Variants in CPNE5 observed in about 807,000 individuals in gnomAD.
CPNE5 encodes copine-5.
CPNE5 carries 42 observed loss-of-function variants against 81.1 expected under a neutral mutation model. The observed-to-expected ratio is 0.52, with a 90% CI of 0.40 to 0.67. The LOEUF (loss-of-function observed/expected upper bound fraction) is 0.67, where lower values mean the gene tolerates loss of function less well. Ranked by LOEUF, CPNE5 falls within the 30% of genes least tolerant of loss-of-function variation. The pLI is 0.00. For synonymous variants in CPNE5, 313 were observed against 321.5 expected (o/e 0.97, Z 0.28); for missense variants, 612 against 815.5 (o/e 0.75, Z 3.04).
intron 9 of CPNE5, among the ~76,000 whole-genome samples, chr6:36,776,711 C>T (rs1016054413): frequency 3.9e-5 from 6 of 152,174 alleles, no homozygotes; most frequent in East Asian, 1.9e-4. Flanking sequence ...TCCCTCCTCT[C>T]GCTTGAGAGC....
intron 8 of CPNE5, among the ~76,000 whole-genome samples, chr6:36,787,473 A>G (rs1208756674): frequency 1.3e-5 from 2 of 151,232 alleles, no homozygotes; most frequent in Non-Finnish European, 3.0e-5. Flanking sequence ...CCACCTGTCT[A>G]TATATATTGG....
At chr6:36,754,788 T>G (rs1644382158) in intron 13 of CPNE5, 1 of 152,216 alleles carries the variant, frequency 6.6e-6, no homozygotes. Flanking sequence ...TATTCCCAGC[T>G]GGGGAAGGTG....
chr6:36,836,117 G>A (rs1165446691), intron 1 of CPNE5, among the ~76,000 whole-genome samples: 1 of 152,124 alleles, frequency 6.6e-6, no homozygotes, highest in Admixed American at 6.6e-5. Context: ...ATAACCAAAG[G>A]CTTTCTAATC....
At chr6:36,789,275 TGAA>T (rs1768878946) in intron 8 of CPNE5, among the ~76,000 whole-genome samples, 1 of 151,786 alleles carries the variant, frequency 6.6e-6, no homozygotes, top group African/African-American at 2.4e-5. Flanking sequence ...TATCCCTGGG[TGAA>T]GGAGTAGGGA....
chr6:36,823,442 TC>T lies in CPNE5; in HGVS notation c.96-345del, dbSNP rs199778533. The stretch of plus-strand genomic sequence containing the variant: ...ATGTCTTAGCCCTTTCTAGAAGCTC[TC>T]CTTTAATCACTTCTCTGCTTCTCAA... On this transcript the variant is annotated intron_variant, in intron 1 of 20. Transcript: ENST00000244751. Among the ~76,000 whole-genome samples the T allele has an allele frequency of 1.8e-3, 277 of 152,296 alleles. 1 individual carries two copies. Among genetic ancestry groups the T allele is most frequent in the African/African-American group, 5.9e-3 (245 of 41,540 alleles).
chr6:36,814,783 C>T (rs1771393183), intron 3 of CPNE5, among the ~76,000 whole-genome samples: 1 of 152,104 alleles, frequency 6.6e-6, no homozygotes, highest in Admixed American at 6.5e-5. Context: ...CAGTTTCCTC[C>T]TCTGTCAAAT....
intron 8 of CPNE5, among the ~76,000 whole-genome samples, chr6:36,782,025 G>T (rs1248775451): frequency 6.6e-6 from 1 of 152,176 alleles, no homozygotes; most frequent in Non-Finnish European, 1.5e-5. Flanking sequence ...CTCGTCTGTG[G>T]AGCGTGGAAT....
chr6:36,819,952 C>T (rs1231650354), intron 3 of CPNE5, among the ~76,000 whole-genome samples: 2 of 152,212 alleles, frequency 1.3e-5, no homozygotes, highest in East Asian at 3.8e-4. Flanking sequence ...CTCCAGCCAG[C>T]TCAGGCAGCC....
At chr6:36,768,617 C>T (rs1343648634) in intron 10 of CPNE5, among the ~76,000 whole-genome samples, 1 of 152,196 alleles carries the variant, frequency 6.6e-6, no homozygotes, top group Non-Finnish European at 1.5e-5. Flanking sequence ...GCCTTGGCTC[C>T]TAACCCCTTA....
At chr6:36,792,418 T>G in intron 7 of CPNE5, 9 of 1,403,950 alleles carry the variant, frequency 6.4e-6, no homozygotes, top group Non-Finnish European at 8.5e-6. Flanking sequence ...AGACCAGTGG[T>G]TCTCAAACTT....
At chr6:36,819,799 C>T (rs555613746) in intron 3 of CPNE5, among the ~76,000 whole-genome samples, 19 of 152,284 alleles carry the variant, frequency 1.2e-4, no homozygotes, top group Non-Finnish European at 2.6e-4. Context: ...GAGTCTCTGT[C>T]AGGAGTCCAC....
intron 10 of CPNE5, among the ~76,000 whole-genome samples, chr6:36,770,424 A>C (rs1009714564): frequency 1.3e-5 from 2 of 152,246 alleles, no homozygotes; most frequent in African/African-American, 2.4e-5. Flanking sequence ...ATTAGAATAC[A>C]ACTTGGTCCA....
chr6:36,754,661 C>A (rs1305638465), intron 13 of CPNE5: 1 of 152,248 alleles, frequency 6.6e-6, no homozygotes, highest in Admixed American at 6.5e-5. Context: ...GGCCTAGGCC[C>A]GCTCTGTCTC....
chr6:36,745,330 A>T, intron 17 of CPNE5, 58 bp downstream of exon 17: 1 of 1,564,596 alleles, frequency 6.4e-7, no homozygotes, highest in Non-Finnish European at 8.7e-7. Flanking sequence ...CCAGAGGCAG[A>T]GCTGGTGTGG....
At chr6:36,795,500 G>A (rs564605894) in intron 6 of CPNE5, among the ~76,000 whole-genome samples, 1 of 152,194 alleles carries the variant, frequency 6.6e-6, no homozygotes, top group African/African-American at 2.4e-5. Context: ...TCTTTAAGGA[G>A]GTAATTAAGG....
chr6:36,811,539 C>T (rs1046365949), intron 3 of CPNE5, among the ~76,000 whole-genome samples: 7 of 152,200 alleles, frequency 4.6e-5, no homozygotes, highest in African/African-American at 1.7e-4. Context: ...TTGGAGTGCA[C>T]ACTTTCAACA....
intron 10 of CPNE5, among the ~76,000 whole-genome samples, chr6:36,773,054 A>AT (rs893015807): frequency 3.3e-5 from 5 of 151,550 alleles, no homozygotes; most frequent in South Asian, 2.1e-4. Context: ...AAATTTTTAA[A>AT]TTTTTTTTTG....
At chr6:36,757,326 T>C (rs149196650) in intron 12 of CPNE5, 1 of 985,462 alleles carries the variant, frequency 1.0e-6, no homozygotes, top group African/African-American at 1.7e-5. Flanking sequence ...TCATTTCCCC[T>C]TTCCCTGTCT....
chr6:36,809,965 C>T lies in CPNE5; in HGVS notation c.184-9895G>A, dbSNP rs558928362. On this transcript the variant is annotated intron_variant, in intron 3 of 20. Coordinates refer to ENST00000244751, the MANE Select transcript of CPNE5 (RefSeq NM_020939.2). ...CTCATTTAACCCCCTCCAATGACCC[C>T]GTGACAATGAAATTATTATCATCTC... Among the ~76,000 whole-genome samples the T allele has an allele frequency of 4.6e-5, 7 of 151,954 alleles. No individual in the cohort carries two copies. The East Asian group carries it at 7.8e-4, about 17-fold the overall frequency.
Sources: gnomAD v4.1 joint callset for allele counts (sites outside exome capture counted in the v4.1 genomes callset) on GRCh38, gnomAD v4.1.1 for gene constraint, MANE v1.5 for transcripts, NCBI Gene and HGNC (gene_info 2026-07-23, HGNC 2026-07-21) for gene names.